The following C5 variants were observed in gnomAD, a reference collection of about 807,000 sequenced individuals.
C5 encodes the protein C3 and PZP-like alpha-2-macroglobulin domain-containing protein 4.
In C5, 140 loss-of-function variants were observed where a neutral mutation model predicts 218.8. That is an observed-to-expected ratio of 0.64 (90% CI 0.56 to 0.74). C5 has a LOEUF of 0.74. C5 is among the 30% of genes least tolerant of loss of function. C5 has a pLI of 0.00. For missense variants in C5, 1,700 were observed against 1,969.6 expected, an observed-to-expected ratio of 0.86 and a Z score of 2.59; for synonymous variants, 614 against 682.3, an observed-to-expected ratio of 0.90 and a Z score of 1.56.
At chr9:120,990,444 T>C (rs1019996519) in intron 23 of C5, among the ~76,000 whole-genome samples, 1 of 152,258 alleles carries the variant, frequency 6.6e-6, no homozygotes, top group Non-Finnish European at 1.5e-5. Flanking sequence ...CCAAAATTCA[T>C]ACACTGAAGC....
intron 1 of C5, among the ~76,000 whole-genome samples, chr9:121,046,712 T>C (rs1006060097): frequency 1.3e-5 from 2 of 152,168 alleles, no homozygotes; most frequent in Admixed American, 1.3e-4. Context: ...TATTTTTTGC[T>C]CAATGAAGAA....
At chr9:121,030,709 C>A (rs2047467106) in intron 6 of C5, among the ~76,000 whole-genome samples, 2 of 152,086 alleles carry the variant, frequency 1.3e-5, no homozygotes, top group African/African-American at 4.8e-5. Flanking sequence ...AGCACTTTGC[C>A]TATATTTTGA....
intron 20 of C5, among the ~76,000 whole-genome samples, chr9:121,004,144 T>A (rs988604383): frequency 2.0e-5 from 3 of 152,062 alleles, no homozygotes; most frequent in Non-Finnish European, 4.4e-5. Flanking sequence ...GCTGAGATTA[T>A]AGGCCTGAGC....
intron 37 of C5, among the ~76,000 whole-genome samples, chr9:120,960,891 T>C (rs2046822300): frequency 6.6e-6 from 1 of 152,174 alleles, no homozygotes; most frequent in Non-Finnish European, 1.5e-5. Flanking sequence ...TAATCAGAAG[T>C]CCTTTGAAGG....
chr9:120,998,026 C>T (rs971461605), intron 20 of C5, among the ~76,000 whole-genome samples: 4 of 152,258 alleles, frequency 2.6e-5, no homozygotes, highest in African/African-American at 9.6e-5. Context: ...TGATCTCGAA[C>T]TCCTGATCTC....
intron 33 of C5, among the ~76,000 whole-genome samples, chr9:120,964,309 C>G (rs764913931): frequency 6.6e-6 from 1 of 152,174 alleles, no homozygotes; most frequent in Non-Finnish European, 1.5e-5. Flanking sequence ...GAAACTCCGT[C>G]TTTACTAAAA....
chr9:121,037,306 T>G (rs1261801240), intron 4 of C5, among the ~76,000 whole-genome samples: 3 of 151,336 alleles, frequency 2.0e-5, no homozygotes, highest in Non-Finnish European at 4.4e-5. Context: ...TTTTTGGTTT[T>G]TTTTTTTTTT....
rs762663410 is a variant in C5, at chr9:120,960,228, T to C, written c.4678+20A>G. The stretch of plus-strand genomic sequence containing the variant: ...TAAAATTTCATGTTTAAAGGAGCTA[T>C]ATTGAACTTTTGAACTCACCATATG... On this transcript the variant is annotated intron_variant, in intron 38 of 40. Transcript: ENST00000223642. 8.1e-6 allele frequency: 12 copies of C among 1,478,320 alleles called. No homozygotes were observed. The highest frequency in any genetic ancestry group is 4.7e-6 in the Non-Finnish European group (5 of 1,056,896). 91.6% of individuals were successfully genotyped at this position (1,478,320 alleles called of 1,614,324 possible).
In C5 at chr9:120,989,793, A is replaced by C. The variant is rs762711745; in HGVS notation, c.2942-13T>G. 1.3e-6 allele frequency: 2 copies of C among 1,597,278 alleles called. No homozygotes were observed. Among genetic ancestry groups the C allele is most frequent in the Admixed American group, 3.3e-5 (2 of 59,954 alleles). On this transcript the variant is annotated splice_polypyrimidine_tract_variant and intron_variant, in intron 23 of 40. Coordinates refer to ENST00000223642, the MANE Select transcript of C5 (RefSeq NM_001735.3). ...CCTACAAGCAGTCCTGAAACAAAAA[A>C]GATCAAAGTAGACACATTGCTTTTT...
At chr9:120,953,650 G>A in intron 40 of C5, 80 bp downstream of exon 40, 1 of 1,383,580 alleles carries the variant, frequency 7.2e-7, no homozygotes, top group Non-Finnish European at 1.0e-6. Context: ...AGGGCCATAA[G>A]AAACACGTAG....
intron 1 of C5, among the ~76,000 whole-genome samples, chr9:121,048,091 C>G (rs1312191813): frequency 1.3e-5 from 2 of 151,968 alleles, no homozygotes; most frequent in Non-Finnish European, 1.5e-5. Context: ...CAGCCCGTTT[C>G]CAGAATTAAC....
At chr9:120,976,674 G>A (rs1335655680) in intron 29 of C5, 26 bp downstream of exon 29, 1 of 1,583,270 alleles carries the variant, frequency 6.3e-7, no homozygotes, top group Non-Finnish European at 8.7e-7. Flanking sequence ...TCTACAGGGA[G>A]ATGAAACAAG....
At chr9:121,073,806 G>A in the C5 span, among the ~76,000 whole-genome samples, 12,249 of 152,096 alleles carry the variant, frequency 0.081, 551 homozygotes, top group Non-Finnish European at 0.11. Flanking sequence ...GAGCCACAGC[G>A]CCCGGCCAGG....
At chr9:120,972,587 C>T (rs767848283) in intron 30 of C5, among the ~76,000 whole-genome samples, 4 of 152,196 alleles carry the variant, frequency 2.6e-5, no homozygotes, top group Non-Finnish European at 5.9e-5. Flanking sequence ...TCCTTAGTTG[C>T]TGCTGCTCTT....
At chr9:120,980,573 A>G (rs1443337157) in intron 27 of C5, among the ~76,000 whole-genome samples, 1 of 152,122 alleles carries the variant, frequency 6.6e-6, no homozygotes, top group Non-Finnish European at 1.5e-5. Flanking sequence ...AAAGGCACCG[A>G]GCATAGACAC....
intron 33 of C5, among the ~76,000 whole-genome samples, chr9:120,967,246 T>G: frequency 7.6e-6 from 1 of 132,044 alleles, no homozygotes; most frequent in Non-Finnish European, 1.5e-5. Flanking sequence ...GGAGACAGAG[T>G]GAAACTCCAT....
chr9:120,974,150 T>C (rs1166154761), intron 30 of C5, among the ~76,000 whole-genome samples: 1 of 152,218 alleles, frequency 6.6e-6, no homozygotes, highest in Non-Finnish European at 1.5e-5. Context: ...CTAATATTAA[T>C]ATAGAACCCA....
chr9:121,056,876 CA>C, the C5 span, among the ~76,000 whole-genome samples: 1 of 151,836 alleles, frequency 6.6e-6, no homozygotes, highest in East Asian at 1.9e-4. Context: ...TATCTAGGTA[CA>C]AAAAAATCAA....
the C5 span, among the ~76,000 whole-genome samples, chr9:121,058,548 C>T: frequency 3.3e-5 from 5 of 152,300 alleles, no homozygotes; most frequent in East Asian, 5.8e-4. Flanking sequence ...AAGTGATTCT[C>T]ATGCCTCAGC....
Sources: allele counts gnomAD v4.1 joint callset (sites outside exome capture counted in the v4.1 genomes callset), GRCh38; gene constraint gnomAD v4.1.1; transcripts MANE v1.5; gene names NCBI Gene and HGNC (gene_info 2026-07-23, HGNC 2026-07-21).